DRC11: variants seen among roughly 807,000 people sequenced by gnomAD.
The protein encoded by DRC11 is IQ and AAA domain-containing protein 1.
the DRC11 span, among the ~76,000 whole-genome samples, chr2:236,476,313 T>C: frequency 6.6e-6 from 1 of 152,208 alleles, no homozygotes; most frequent in African/African-American, 2.4e-5. This position sits in a 1 kb window ranked among gnomAD's most constrained non-coding sequence, Gnocchi z 4.7. Context: ...AGGTGTTTCA[T>C]ATTTTTTGTA....
the DRC11 span, among the ~76,000 whole-genome samples, chr2:236,335,767 GAAA>G: frequency 1.3e-5 from 2 of 152,062 alleles, no homozygotes; most frequent in Non-Finnish European, 2.9e-5. This position sits in a 1 kb window ranked among gnomAD's most constrained non-coding sequence, Gnocchi z 5.6. Flanking sequence ...AAAAAAGGAA[GAAA>G]AAAAGAAGAA....
At chr2:236,458,965 A>G in the DRC11 span, among the ~76,000 whole-genome samples, 35 of 152,270 alleles carry the variant, frequency 2.3e-4, no homozygotes, top group African/African-American at 8.2e-4. Context: ...GAATTTCTTG[A>G]ACCCAGGAGT....
At chr2:236,459,601 A>ATGTATACG in the DRC11 span, among the ~76,000 whole-genome samples, 22 of 121,540 alleles carry the variant, frequency 1.8e-4, no homozygotes, top group Non-Finnish European at 2.6e-4. Flanking sequence ...ATACGTATAC[A>ATGTATACG]TATATACGTA....
the DRC11 span, among the ~76,000 whole-genome samples, chr2:236,370,048 T>C: frequency 2.6e-5 from 4 of 152,172 alleles, no homozygotes; most frequent in Admixed American, 2.6e-4. This position sits in a 1 kb window ranked among gnomAD's most constrained non-coding sequence, Gnocchi z 5.5. Context: ...AATAGGGTTG[T>C]CGCAGATAGA....
At chr2:236,458,131 C>T in the DRC11 span, among the ~76,000 whole-genome samples, 4 of 152,130 alleles carry the variant, frequency 2.6e-5, no homozygotes, top group African/African-American at 9.7e-5. Flanking sequence ...AAGGAGCCCA[C>T]ACTTGAGTTG....
chr2:236,502,548 CAAAAA>C, the DRC11 span, among the ~76,000 whole-genome samples: 3 of 15,096 alleles, frequency 2.0e-4, no homozygotes, highest in African/African-American at 2.8e-4. Flanking sequence ...TGCACTCCAG[CAAAAA>C]AAAAAAAAAA....
At chr2:236,497,256 G>A in the DRC11 span, 24 of 1,613,694 alleles carry the variant, frequency 1.5e-5, no homozygotes, top group Admixed American at 2.3e-4. The surrounding 1 kb of genome is among the most constrained non-coding windows in gnomAD (Gnocchi z 5.1). Context: ...CCAGGATGCG[G>A]CCCATCACCC....
At chr2:236,321,917 A>AC in the DRC11 span, among the ~76,000 whole-genome samples, 1 of 152,144 alleles carries the variant, frequency 6.6e-6, no homozygotes, top group Non-Finnish European at 1.5e-5. Context: ...AAAACAATGG[A>AC]CCCTAATAAG....
At chr2:236,335,315 A>G in the DRC11 span, among the ~76,000 whole-genome samples, 1 of 152,180 alleles carries the variant, frequency 6.6e-6, no homozygotes, top group African/African-American at 2.4e-5. The surrounding 1 kb of genome is among the most constrained non-coding windows in gnomAD (Gnocchi z 5.6). Flanking sequence ...TGAAAACTTC[A>G]AGGTCACTGG....
the DRC11 span, among the ~76,000 whole-genome samples, chr2:236,308,635 T>A: frequency 6.6e-6 from 1 of 152,218 alleles, no homozygotes; most frequent in Admixed American, 6.5e-5. The surrounding 1 kb of genome is among the most constrained non-coding windows in gnomAD (Gnocchi z 6.0). Context: ...CTTGGCTAAT[T>A]CCACTTAACA....
the DRC11 span, among the ~76,000 whole-genome samples, chr2:236,307,930 G>A: frequency 4.0e-5 from 6 of 151,090 alleles, no homozygotes; most frequent in South Asian, 2.1e-4. The surrounding 1 kb of genome is among the most constrained non-coding windows in gnomAD (Gnocchi z 7.0). Context: ...CACAAGCATC[G>A]TGGTGTGCTT....
At chr2:236,315,938 C>T in the DRC11 span, among the ~76,000 whole-genome samples, 6 of 152,096 alleles carry the variant, frequency 3.9e-5, no homozygotes, top group Non-Finnish European at 2.9e-5. This position sits in a 1 kb window ranked among gnomAD's most constrained non-coding sequence, Gnocchi z 5.1. Context: ...CAGCAAACCA[C>T]CATGGCACAC....
At chr2:236,459,751 T>C in the DRC11 span, among the ~76,000 whole-genome samples, 1 of 149,986 alleles carries the variant, frequency 6.7e-6, no homozygotes, top group Non-Finnish European at 1.5e-5. Context: ...ATCAAAAAAT[T>C]TCATGGTAGC....
chr2:236,415,538 T>C, the DRC11 span, among the ~76,000 whole-genome samples: 2 of 152,224 alleles, frequency 1.3e-5, no homozygotes. This position sits in a 1 kb window ranked among gnomAD's most constrained non-coding sequence, Gnocchi z 5.7. Context: ...AACTTAAATA[T>C]ATCAATTTTT....
chr2:236,486,511 A>C, the DRC11 span, among the ~76,000 whole-genome samples: 1 of 151,936 alleles, frequency 6.6e-6, no homozygotes, highest in Non-Finnish European at 1.5e-5. This position sits in a 1 kb window ranked among gnomAD's most constrained non-coding sequence, Gnocchi z 5.7. Flanking sequence ...TATCAATGCA[A>C]ACCCACTGTT....
the DRC11 span, among the ~76,000 whole-genome samples, chr2:236,382,180 T>A: frequency 6.6e-6 from 1 of 152,214 alleles, no homozygotes; most frequent in Non-Finnish European, 1.5e-5. Context: ...CCAGTTACTC[T>A]GGCACTACTT....
chr2:236,347,845 T>C, the DRC11 span, among the ~76,000 whole-genome samples: 3 of 145,754 alleles, frequency 2.1e-5, no homozygotes, highest in African/African-American at 7.6e-5. Flanking sequence ...GTACCCCCAA[T>C]AACTTACGGC....
At chr2:236,465,596 C>A in the DRC11 span, 1 of 1,613,910 alleles carries the variant, frequency 6.2e-7, no homozygotes, top group Admixed American at 1.7e-5. The surrounding 1 kb of genome is among the most constrained non-coding windows in gnomAD (Gnocchi z 6.2). Context: ...TTGATGGTAA[C>A]CAGGGCTTCC....
the DRC11 span, among the ~76,000 whole-genome samples, chr2:236,343,330 C>T: frequency 3.3e-5 from 5 of 152,164 alleles, no homozygotes; most frequent in Admixed American, 2.6e-4. The surrounding 1 kb of genome is among the most constrained non-coding windows in gnomAD (Gnocchi z 6.6). Context: ...AGCAGGCAGC[C>T]GCAAGCACTG....
Sources: allele counts gnomAD v4.1 joint callset (sites outside exome capture counted in the v4.1 genomes callset), GRCh38; gene constraint gnomAD v4.1.1; non-coding constraint Gnocchi (gnomAD v3.1); transcripts MANE v1.5; gene names NCBI Gene and HGNC (gene_info 2026-07-23, HGNC 2026-07-21).